Variants in GALNT13 observed in about 807,000 individuals in gnomAD.
The protein encoded by GALNT13 is polypeptide N-acetylgalactosaminyltransferase 13.
GALNT13 carries 28 observed loss-of-function variants against 64.2 expected under a neutral mutation model. The observed-to-expected ratio is 0.44, with a 90% CI of 0.32 to 0.60. The LOEUF (loss-of-function observed/expected upper bound fraction) is 0.60, where lower values mean the gene tolerates loss of function less well. GALNT13 is among the 20% of genes least tolerant of loss of function. The pLI is 0.05. For missense variants in GALNT13, 577 were observed against 669.8 expected, an observed-to-expected ratio of 0.86 and a Z score of 1.53; for synonymous variants, 214 against 224.6, an observed-to-expected ratio of 0.95 and a Z score of 0.42.
At chr2:153,612,635 A>AAC in the GALNT13 span, among the ~76,000 whole-genome samples, 2 of 151,774 alleles carry the variant, frequency 1.3e-5, no homozygotes, top group African/African-American at 2.4e-5. Flanking sequence ...AAGAAAACAA[A>AAC]GAAAAAAAGG....
chr2:153,139,783 G>T, the GALNT13 span, among the ~76,000 whole-genome samples: 1 of 151,908 alleles, frequency 6.6e-6, no homozygotes, highest in East Asian at 1.9e-4. Flanking sequence ...AGGAGGTCTT[G>T]GCATGCTTTT....
the GALNT13 span, among the ~76,000 whole-genome samples, chr2:153,634,869 A>T: frequency 1.3e-5 from 2 of 151,572 alleles, no homozygotes; most frequent in African/African-American, 2.4e-5. Flanking sequence ...ACTGAGCACA[A>T]ATTACACACT....
the GALNT13 span, among the ~76,000 whole-genome samples, chr2:153,414,589 C>T: frequency 1.3e-5 from 2 of 149,446 alleles, no homozygotes; most frequent in East Asian, 4.0e-4. Context: ...AAAATGAAAA[C>T]TATCATTAGC....
chr2:153,367,921 T>C, the GALNT13 span, among the ~76,000 whole-genome samples: 1 of 151,734 alleles, frequency 6.6e-6, no homozygotes, highest in African/African-American at 2.4e-5. Flanking sequence ...ATGGAATAAA[T>C]ATAAAACAAA....
intron 9 of GALNT13, among the ~76,000 whole-genome samples, chr2:154,303,675 A>G (rs112745539): frequency 0.021 from 3,251 of 152,200 alleles, 93 homozygotes; most frequent in African/African-American, 0.066. Context: ...AAACCCATCT[A>G]ATGAGATTGT....
the GALNT13 span, among the ~76,000 whole-genome samples, chr2:153,105,038 C>T: frequency 9.5e-6 from 1 of 105,424 alleles, no homozygotes; most frequent in Non-Finnish European, 1.8e-5. Flanking sequence ...CTCCCCCCTC[C>T]CCCCACCCGA....
intron 10 of GALNT13, 71 bp from the exon 11 acceptor site, chr2:154,408,913 A>C: frequency 1.1e-6 from 1 of 903,072 alleles, no homozygotes; most frequent in Non-Finnish European, 1.8e-6. Flanking sequence ...TAGTAACATG[A>C]GAAGGATTTG....
chr2:153,199,777 A>G, the GALNT13 span, among the ~76,000 whole-genome samples: 1 of 152,258 alleles, frequency 6.6e-6, no homozygotes, highest in Admixed American at 6.5e-5. Flanking sequence ...ATTTTCCTGC[A>G]TACTATAAAG....
intron 2 of GALNT13, among the ~76,000 whole-genome samples, chr2:153,932,157 T>C (rs548975663): frequency 2.6e-5 from 4 of 152,174 alleles, no homozygotes; most frequent in Non-Finnish European, 5.9e-5. Context: ...TTGTCACTTA[T>C]GATTGTGTTT....
chr2:153,411,855 A>AT, the GALNT13 span, among the ~76,000 whole-genome samples: 1 of 152,256 alleles, frequency 6.6e-6, no homozygotes, highest in African/African-American at 2.4e-5. Flanking sequence ...TGTCAACTTG[A>AT]TTGGATTGAA....
the GALNT13 span, among the ~76,000 whole-genome samples, chr2:153,097,522 A>G: frequency 6.6e-6 from 1 of 152,162 alleles, no homozygotes; most frequent in African/African-American, 2.4e-5. Context: ...TATACCAGTA[A>G]TTTTATAATA....
At chr2:153,827,627 A>C in the GALNT13 span, among the ~76,000 whole-genome samples, 25 of 16,186 alleles carry the variant, frequency 1.5e-3, no homozygotes, top group Admixed American at 0.016. Context: ...CTCCGTCCCA[A>C]AAAAAAAAAA....
the GALNT13 span, among the ~76,000 whole-genome samples, chr2:153,635,419 C>CAT: frequency 5.2e-4 from 63 of 120,886 alleles, 1 homozygote; most frequent in Non-Finnish European, 9.5e-4. Context: ...TATATATACA[C>CAT]ATATATATGT....
intron 2 of GALNT13, among the ~76,000 whole-genome samples, chr2:153,918,078 T>C (rs1455170463): frequency 6.6e-6 from 1 of 152,166 alleles, no homozygotes; most frequent in East Asian, 1.9e-4. Context: ...TTCAAAAGCA[T>C]TTTTAGCATA....
At chr2:153,845,770 G>A in the GALNT13 span, among the ~76,000 whole-genome samples, 5 of 142,546 alleles carry the variant, frequency 3.5e-5, no homozygotes, top group Non-Finnish European at 8.0e-5. Context: ...GAATTTCTTC[G>A]AAAATGAAGC....
chr2:153,608,726 G>A, the GALNT13 span, among the ~76,000 whole-genome samples: 3 of 146,764 alleles, frequency 2.0e-5, no homozygotes, highest in African/African-American at 7.4e-5. Context: ...GTAAATATAT[G>A]TATAACTTAT....
chr2:153,526,763 A>T, the GALNT13 span, among the ~76,000 whole-genome samples: 3 of 152,348 alleles, frequency 2.0e-5, no homozygotes, highest in African/African-American at 7.2e-5. Context: ...ATAATTTAAA[A>T]TAGCTGTTTT....
intron 2 of GALNT13, among the ~76,000 whole-genome samples, chr2:153,940,098 AT>A (rs1558864730): frequency 6.6e-6 from 1 of 151,524 alleles, no homozygotes; most frequent in Non-Finnish European, 1.5e-5. Flanking sequence ...AGTTTTGTTT[AT>A]TGCTTCTCTT....
chr2:153,116,024 T>C, the GALNT13 span, among the ~76,000 whole-genome samples: 1 of 152,136 alleles, frequency 6.6e-6, no homozygotes, highest in Non-Finnish European at 1.5e-5. Context: ...GTCTAAAACA[T>C]TGATGTATGG....
Sources: gnomAD v4.1 joint callset for allele counts (sites outside exome capture counted in the v4.1 genomes callset) on GRCh38, gnomAD v4.1.1 for gene constraint, MANE v1.5 for transcripts, NCBI Gene and HGNC (gene_info 2026-07-23, HGNC 2026-07-21) for gene names.